The following TBCE variants were observed in gnomAD, a reference collection of about 807,000 sequenced individuals.
The protein encoded by TBCE is tubulin folding cofactor E, also known as tubulin-specific chaperone E.
TBCE carries 53 observed loss-of-function variants against 77.0 expected under a neutral mutation model. The observed-to-expected ratio is 0.69, with a 90% CI of 0.55 to 0.87. The LOEUF (loss-of-function observed/expected upper bound fraction) is 0.87, where lower values mean the gene tolerates loss of function less well. Ranked by LOEUF, TBCE falls within the 40% of genes least tolerant of loss-of-function variation. TBCE has a pLI of 0.00. For synonymous variants in TBCE, 235 were observed against 241.3 expected, an observed-to-expected ratio of 0.97 and a Z score of 0.24; for missense variants, 624 against 622.4, an observed-to-expected ratio of 1.00 and a Z score of -0.03.
At position 235,393,759 on chromosome 1, in the gene TBCE, T is replaced by A. The variant is rs1485784878; in HGVS notation, c.101-7744T>A. Among the ~76,000 whole-genome samples, 3 of 152,182 alleles carry A rather than the reference T, an allele frequency of 2.0e-5. No homozygotes were observed. In the East Asian group the frequency reaches 5.8e-4, roughly 29 times the overall value. On this transcript the variant is annotated intron_variant, in intron 2 of 16. Coordinates refer to ENST00000642610, the MANE Select transcript of TBCE (RefSeq NM_003193.5). ...TTGTATACACCTTTCAGAAGAATCA[T>A]GCTTTTATCCTCCTACAGAGCAAAT...
intron 13 of TBCE, among the ~76,000 whole-genome samples, chr1:235,440,402 A>T (rs7530553): frequency 0.52 from 78,809 of 151,518 alleles, 20,631 homozygotes; most frequent in East Asian, 0.63. Flanking sequence ...ATATATATAT[A>T]TTTTTTTGAG....
intron 1 of TBCE, among the ~76,000 whole-genome samples, chr1:235,378,122 T>C (rs1677409889): frequency 6.6e-6 from 1 of 152,212 alleles, no homozygotes; most frequent in African/African-American, 2.4e-5. Flanking sequence ...ACATATTATA[T>C]ATGATAATAT....
At chr1:235,428,987 T>TATATATATA (rs1558383372) in intron 6 of TBCE, 1 of 78,168 alleles carries the variant, frequency 1.3e-5, no homozygotes, top group African/African-American at 6.6e-5. Context: ...ATATATATAT[T>TATATATATA]TTTTTTTTTT....
At chr1:235,400,151 T>C (rs1266322902) in intron 2 of TBCE, among the ~76,000 whole-genome samples, 2 of 152,148 alleles carry the variant, frequency 1.3e-5, no homozygotes, top group Non-Finnish European at 2.9e-5. Flanking sequence ...TGAAAGACCT[T>C]AGAACATGCC....
intron 1 of TBCE, among the ~76,000 whole-genome samples, chr1:235,371,963 T>C (rs12080548): frequency 0.14 from 21,563 of 149,982 alleles, 1,914 homozygotes; most frequent in African/African-American, 0.25. Flanking sequence ...CATGAGCCAC[T>C]GTGCCTGCCC....
chr1:235,429,439 A>G (rs956208692), intron 6 of TBCE: 2 of 152,148 alleles, frequency 1.3e-5, no homozygotes, highest in Non-Finnish European at 2.9e-5. Context: ...TCTTATTTTT[A>G]GCCTGACCGT....
chr1:235,409,947 G>T (rs369364686), intron 3 of TBCE, among the ~76,000 whole-genome samples: 2 of 143,430 alleles, frequency 1.4e-5, no homozygotes, highest in Admixed American at 1.4e-4. Flanking sequence ...GGAGAATGGC[G>T]TGAACCCGGG....
At chr1:235,443,682 T>C (rs1682054998) in intron 15 of TBCE, among the ~76,000 whole-genome samples, 1 of 152,172 alleles carries the variant, frequency 6.6e-6, no homozygotes, top group South Asian at 2.1e-4. Flanking sequence ...GGGAGGTTTG[T>C]GACTTTGCTT....
rs765882953 is a variant in TBCE, at chr1:235,450,240, C to T, written c.*1478C>T. The T allele has an allele frequency of 6.8e-6, 11 of 1,613,996 alleles. No individual in the cohort carries two copies. The highest frequency in any genetic ancestry group is 3.3e-5 in the Admixed American group (2 of 59,978). ...TTGACATCGACAAGGATCACCGCAC[C>T]GTTCCTTCAGTTTCCACAGTTCCGT... On this transcript the variant is annotated 3_prime_UTR_variant, in exon 17 of 17. Coordinates refer to ENST00000642610, the MANE Select transcript of TBCE (RefSeq NM_003193.5).
rs577247948 is a variant in TBCE at position 235,394,165 on chromosome 1, G to A, written c.101-7338G>A. ...TCTCAGCTCATTGCAAGCTCTGCCC[G>A]CTGGGTTCACGCCATTCTCCTGCCT... is the stretch of plus-strand genomic sequence containing the variant. On this transcript the variant is annotated intron_variant, in intron 2 of 16. Coordinates refer to ENST00000642610, the MANE Select transcript of TBCE (RefSeq NM_003193.5). Among the ~76,000 whole-genome samples, 568 of 152,034 alleles carry A rather than the reference G, an allele frequency of 3.7e-3. 5 individuals carry two copies. Among genetic ancestry groups the A allele is most frequent in the African/African-American group, 0.013 (545 of 41,478 alleles).
chr1:235,417,760 C>CT (rs5781830), intron 4 of TBCE, among the ~76,000 whole-genome samples: 76,947 of 151,636 alleles, frequency 0.51, 19,837 homozygotes, highest in East Asian at 0.65. Flanking sequence ...GTTTTTCTTT[C>CT]TTTTTTTTGT....
chr1:235,376,003 G>A (rs1475538645), intron 1 of TBCE, among the ~76,000 whole-genome samples: 1 of 152,118 alleles, frequency 6.6e-6, no homozygotes, highest in African/African-American at 2.4e-5. Context: ...CTGAGATCAC[G>A]CCATTGCACT....
intron 1 of TBCE, among the ~76,000 whole-genome samples, chr1:235,369,543 T>TGGCTCAAGCCTGTAATCCTGGCC (rs1676773971): frequency 1.3e-5 from 2 of 151,090 alleles, no homozygotes; most frequent in East Asian, 4.0e-4. Flanking sequence ...AAAAACTGGC[T>TGGCTCAAGCCTGTAATCCTGGCC]GGGCGCAGTG....
intron 3 of TBCE, among the ~76,000 whole-genome samples, chr1:235,411,082 T>G (rs74148495): frequency 0.028 from 4,229 of 152,348 alleles, 198 homozygotes; most frequent in African/African-American, 0.096. Context: ...GGCAATTGTT[T>G]AAATCAAGCT....
At chr1:235,434,411 T>C in intron 8 of TBCE, 131 bp downstream of exon 8, 6 of 779,180 alleles carry the variant, frequency 7.7e-6, no homozygotes, top group Non-Finnish European at 1.3e-5. Flanking sequence ...ATGCTTATTA[T>C]TCATTGCCTT....
At chr1:235,382,395 C>T (rs1677733142) in intron 2 of TBCE, among the ~76,000 whole-genome samples, 1 of 152,192 alleles carries the variant, frequency 6.6e-6, no homozygotes, top group Non-Finnish European at 1.5e-5. Flanking sequence ...GCCACACTGA[C>T]TTCCACAATG....
chr1:235,438,917 G>C lies in TBCE; in HGVS notation c.1265G>C (p.Cys422Ser). Residue 422 changes from cysteine (C) to serine (S), a missense_variant, in exon 13 of 17, where the codon TGC becomes TCC. Cys to Ser is a moderately radical substitution (Grantham distance 112). Transcript: ENST00000642610. ...LTAHPRYQFL[C>S]LKYGAPEDWE... ...GCCCATCCCAGATACCAGTTCCTCT[G>C]CCTGAGTACGTGCGTATACACTGGT... 2 of 1,614,144 alleles carry C rather than the reference G, an allele frequency of 1.2e-6. No individual in the cohort carries two copies. Among genetic ancestry groups the C allele is most frequent in the Non-Finnish European group, 1.7e-6 (2 of 1,180,032 alleles).
chr1:235,414,507 A>G lies in TBCE; in HGVS notation c.260A>G (p.Asn87Ser), dbSNP rs926114526. Residue 87 changes from asparagine (N) to serine (S), a missense_variant, in exon 4 of 17, where the codon AAC becomes AGC. Asn to Ser is a conservative substitution (Grantham distance 46, BLOSUM62 1). Transcript: ENST00000642610. ...ACAGACTTTCTTACTGCAATTAAGA[A>G]CCGCTATGTGTTAGAAGATGGACCA... ...FGTDFLTAIKNRYVLEDGPEE... is the reference protein window; with the variant it reads ...FGTDFLTAIKSRYVLEDGPEE... 1.2e-6 allele frequency: 2 copies of G among 1,613,838 alleles called. No homozygotes were observed. The highest frequency in any genetic ancestry group is 1.7e-6 in the Non-Finnish European group (2 of 1,179,968).
rs189112309 is a variant in TBCE, at chr1:235,398,905, A to G, written c.101-2598A>G. On this transcript the variant is annotated intron_variant, in intron 2 of 16. Coordinates refer to ENST00000642610, the MANE Select transcript of TBCE (RefSeq NM_003193.5). ...AGCAATCAGCCAGTCTTGGCCTCCC[A>G]AAGTGCTGGGATCATGGGCGTGAGC... Among the ~76,000 whole-genome samples the G allele has an allele frequency of 4.6e-5, 7 of 151,584 alleles. No homozygotes were observed. The East Asian group carries it at 1.4e-3, about 30-fold the overall frequency.
Sources: allele counts gnomAD v4.1 joint callset (sites outside exome capture counted in the v4.1 genomes callset), GRCh38; gene constraint gnomAD v4.1.1; transcripts MANE v1.5; gene names NCBI Gene and HGNC (gene_info 2026-07-23, HGNC 2026-07-21).